ASB11: variants seen among roughly 807,000 people sequenced by gnomAD.
ASB11 encodes ankyrin repeat and SOCS box containing 11.
In ASB11, 17 loss-of-function variants were observed where a neutral mutation model predicts 20.1. That is an observed-to-expected ratio of 0.85 (90% CI 0.58 to 1.27). The LOEUF (loss-of-function observed/expected upper bound fraction) is 1.27. Ranked by LOEUF, ASB11 falls within the 50% of genes most tolerant of loss-of-function variation. The pLI, the probability that ASB11 is intolerant of heterozygous loss-of-function variation, is 0.00. For synonymous variants in ASB11, 107 were observed against 105.6 expected (o/e 1.01, Z -0.08); for missense variants, 259 against 256.9 (o/e 1.01, Z -0.06).
At chrX:15,293,892 G>T (rs1393308685) in intron 3 of ASB11, among the ~76,000 whole-genome samples, 1 of 85,224 alleles carries the variant, frequency 1.2e-5, no homozygotes, top group Non-Finnish European at 2.3e-5. Flanking sequence ...GTTGTGGGGT[G>T]GGGGGAGGGG....
chrX:15,292,168 C>A (rs1163235485), intron 4 of ASB11: 1 of 111,447 alleles, frequency 9.0e-6, no homozygotes, highest in Non-Finnish European at 1.9e-5. Context: ...GTATTAAATA[C>A]ATTTAGAACA....
intron 1 of ASB11, among the ~76,000 whole-genome samples, chrX:15,308,622 C>G (rs1357896312): frequency 8.9e-6 from 1 of 111,885 alleles, no homozygotes; most frequent in Non-Finnish European, 1.9e-5. Context: ...TGGTAACACC[C>G]CAAAATGCAT....
rs1209039261 is a variant in ASB11, at chrX:15,302,731, TG to T, written c.257del (p.Ala86AspfsTer6). ...ATCAAGTCTTCAGTTCACTTACTTGTGCAATTAAAGTTTTAAGGGCCAGTAA... is the reference window on the plus strand; with the variant it reads ...ATCAAGTCTTCAGTTCACTTACTTGTCAATTAAAGTTTTAAGGGCCAGTAA... ...GRLLALKTLI[A>X]QGVNVNLVTI... is the part of the protein sequence containing the mutation. On this transcript the variant is annotated frameshift_variant, in exon 2 of 7. Coordinates refer to ENST00000480796, the MANE Select transcript of ASB11 (RefSeq NM_080873.3). LOFTEE classifies it high-confidence loss of function. The T allele has an allele frequency of 8.3e-7, 1 of 1,198,268 alleles. No individual in the cohort carries two copies. Among genetic ancestry groups the T allele is most frequent in the African/African-American group, 1.8e-5 (1 of 56,988 alleles).
intron 6 of ASB11, among the ~76,000 whole-genome samples, chrX:15,286,663 CAAAAA>C (rs764801887): frequency 0.053 from 2,859 of 54,345 alleles, 177 homozygotes; most frequent in African/African-American, 0.2. Context: ...GACTCCATCT[CAAAAA>C]AAAAAAAAAA....
intron 3 of ASB11, among the ~76,000 whole-genome samples, chrX:15,294,657 C>T (rs1205615334): frequency 1.8e-5 from 2 of 112,427 alleles, no homozygotes; most frequent in African/African-American, 3.2e-5. Flanking sequence ...AGGTGTGAGC[C>T]ACCACACCCA....
intron 1 of ASB11, among the ~76,000 whole-genome samples, chrX:15,312,175 A>G (rs1340425782): frequency 9.1e-6 from 1 of 110,373 alleles, no homozygotes; most frequent in Non-Finnish European, 1.9e-5. Flanking sequence ...CCAGTGATCC[A>G]TCTGGTGCTC....
chrX:15,308,803 C>A (rs376869808), intron 1 of ASB11, among the ~76,000 whole-genome samples: 6 of 111,940 alleles, frequency 5.4e-5, no homozygotes, highest in African/African-American at 1.9e-4. Flanking sequence ...GTTGCTCTGA[C>A]ATCCACCTCC....
rs973264507 is a variant in ASB11 at position 15,281,889 on chromosome X, G to C, written c.*1616C>G. 4 of 110,663 alleles carry C rather than the reference G, an allele frequency of 3.6e-5. No homozygotes were observed. Among genetic ancestry groups the C allele is most frequent in the African/African-American group, 1.3e-4 (4 of 30,388 alleles). The allele number at this position is 110,663 out of a possible 1,213,427, so 9.1% of individuals were successfully genotyped here. ...ACTTTTGTATTTTTAGTAGAGACAG[G>C]GTTTCACCATAGTGGCCAGGCGGTT... On this transcript the variant is annotated 3_prime_UTR_variant, in exon 7 of 7. Coordinates refer to ENST00000480796, the MANE Select transcript of ASB11 (RefSeq NM_080873.3).
In ASB11 at chrX:15,284,238, C is replaced by T. The variant is rs774997800; in HGVS notation, c.848-609G>A. Among the ~76,000 whole-genome samples the T allele has an allele frequency of 9.1e-4, 79 of 86,847 alleles. No individual in the cohort carries two copies. In the Middle Eastern group the frequency reaches 0.018, roughly 20 times the overall value. 75.4% of individuals were successfully genotyped at this position (86,847 alleles called of 115,157 possible). A position where few individuals can be genotyped will look rare whatever the true frequency, so the allele number is the denominator to read the frequency against. On this transcript the variant is annotated intron_variant, in intron 6 of 6. Transcript: ENST00000480796. Reference sequence around the variant, plus strand: ...CTGCACTCCAGCCTGGGCGACAGAGCGAGACTCCGCCTCAAAAAAAAAAAA... The same window carrying T: ...CTGCACTCCAGCCTGGGCGACAGAGTGAGACTCCGCCTCAAAAAAAAAAAA...
intron 6 of ASB11, among the ~76,000 whole-genome samples, chrX:15,287,156 C>T (rs1025515617): frequency 5.4e-5 from 6 of 111,454 alleles, no homozygotes; most frequent in East Asian, 2.8e-4. Flanking sequence ...ACCATTTAGT[C>T]GGATTTCTGA....
intron 1 of ASB11, among the ~76,000 whole-genome samples, chrX:15,308,211 A>G (rs1408280995): frequency 8.9e-6 from 1 of 112,162 alleles, no homozygotes; most frequent in Non-Finnish European, 1.9e-5. Flanking sequence ...TGCCCTTCAC[A>G]CTGGGGCTTA....
rs1249792290 is a variant in ASB11, at chrX:15,293,245, C to T, written c.445G>A (p.Val149Met). The T allele has an allele frequency of 8.3e-7, 1 of 1,210,183 alleles. No homozygotes were observed. The highest frequency in any genetic ancestry group is 1.7e-5 in the African/African-American group (1 of 57,299). ...CCSGSAACVNVLLEFGAKAQL... is the reference protein window; with the variant it reads ...CCSGSAACVNMLLEFGAKAQL... Reference sequence around the variant, plus strand: ...GCCTTGGCTCCGAACTCCAGCAGCACATTGACACATGCAGCACTGCCGCTG... The same window carrying T: ...GCCTTGGCTCCGAACTCCAGCAGCATATTGACACATGCAGCACTGCCGCTG... Residue 149 changes from valine (V) to methionine (M), a missense_variant, in exon 4 of 7, where the codon GTG becomes ATG. By Grantham distance (21) the Val-to-Met change is conservative. Transcript: ENST00000480796.
chrX:15,289,457 T>A (rs764475773), intron 5 of ASB11, 47 bp downstream of exon 5: 1 of 1,109,928 alleles, frequency 9.0e-7, no homozygotes, highest in African/African-American at 1.8e-5. Flanking sequence ...CTGTAGAAAA[T>A]CAACAAAGTT....
At chrX:15,311,619 TTAGAA>T (rs1207629947) in intron 1 of ASB11, among the ~76,000 whole-genome samples, 2 of 111,815 alleles carry the variant, frequency 1.8e-5, no homozygotes, top group African/African-American at 6.5e-5. Flanking sequence ...AGCATAAAAC[TTAGAA>T]TAGGACTGAT....
At chrX:15,314,752 C>T (rs1446412654) in intron 1 of ASB11, among the ~76,000 whole-genome samples, 3 of 109,929 alleles carry the variant, frequency 2.7e-5, no homozygotes, top group Non-Finnish European at 5.7e-5. Flanking sequence ...GGATATCTGA[C>T]TCATTTACTT....
At chrX:15,299,521 GA>G (rs375575418) in intron 2 of ASB11, among the ~76,000 whole-genome samples, 6 of 111,636 alleles carry the variant, frequency 5.4e-5, no homozygotes, top group African/African-American at 1.6e-4. Flanking sequence ...GCAGGCTTCA[GA>G]GAGAATAGAT....
chrX:15,313,955 G>A (rs1427524449), intron 1 of ASB11, among the ~76,000 whole-genome samples: 1 of 107,362 alleles, frequency 9.3e-6, no homozygotes, highest in Non-Finnish European at 1.9e-5. Flanking sequence ...AGGAGGCTAA[G>A]ACAGGAGAAT....
At chrX:15,283,679 G>A (rs780134919) in intron 6 of ASB11, 50 bp from the exon 7 acceptor site, 3 of 1,171,528 alleles carry the variant, frequency 2.6e-6, no homozygotes, top group Non-Finnish European at 3.5e-6. Flanking sequence ...GGGAGGTGGG[G>A]TGGAAGGGGG....
Position 15,282,716 on chromosome X carries a change from A to G in ASB11, c.*789T>C, listed in dbSNP as rs1363840921. On this transcript the variant is annotated 3_prime_UTR_variant, in exon 7 of 7. Coordinates refer to ENST00000480796, the MANE Select transcript of ASB11 (RefSeq NM_080873.3). ...CCTCTGGGTGCACTGATCTCTTCCA[A>G]AGTCTCTCTTATCAACCAGGACCGC... 2 of 109,442 alleles carry G rather than the reference A, an allele frequency of 1.8e-5. No individual in the cohort carries two copies. The highest frequency in any genetic ancestry group is 5.7e-4 in the East Asian group (2 of 3,527). 9.0% of individuals were successfully genotyped at this position (109,442 alleles called of 1,213,427 possible).
Sources: allele counts gnomAD v4.1 joint callset (sites outside exome capture counted in the v4.1 genomes callset), GRCh38; gene constraint gnomAD v4.1.1; transcripts MANE v1.5; gene names NCBI Gene and HGNC (gene_info 2026-07-23, HGNC 2026-07-21).